CELA2A: variants seen among roughly 807,000 people sequenced by gnomAD.
The protein encoded by CELA2A is chymotrypsin-like elastase family member 2A.
Under a neutral mutation model 35.3 loss-of-function variants are expected in CELA2A, and 31 were observed. That is an observed-to-expected ratio of 0.88 (90% CI 0.66 to 1.19). The LOEUF (loss-of-function observed/expected upper bound fraction) is 1.19, where lower values mean the gene tolerates loss of function less well. Among genes scored for constraint, CELA2A ranks in the 50% most tolerant of loss-of-function variants. CELA2A has a pLI of 0.00. For missense variants in CELA2A, 330 were observed against 352.9 expected (o/e 0.94, Z 0.52); for synonymous variants, 150 against 149.8 (o/e 1.00, Z -0.01).
At chr1:15,464,338 A>C (rs1240281742) in intron 5 of CELA2A, among the ~76,000 whole-genome samples, 1 of 152,066 alleles carries the variant, frequency 6.6e-6, no homozygotes, top group Non-Finnish European at 1.5e-5. Context: ...TGCTGCTCAG[A>C]ACCTGAATGA....
chr1:15,467,671 T>G, intron 7 of CELA2A, 133 bp downstream of exon 7: 1 of 1,146,080 alleles, frequency 8.7e-7, no homozygotes, highest in Non-Finnish European at 1.2e-6. Flanking sequence ...TGGAGGAGGC[T>G]GCAGACCTGA....
chr1:15,465,276 G>A lies in CELA2A; in HGVS notation c.494-723G>A, dbSNP rs1311325734. Among the ~76,000 whole-genome samples, 5 of 152,122 alleles carry A rather than the reference G, an allele frequency of 3.3e-5. No individual in the cohort carries two copies. In the East Asian group the frequency reaches 9.6e-4, roughly 29 times the overall value. On this transcript the variant is annotated intron_variant, in intron 5 of 7. Transcript: ENST00000359621. Reference sequence around the variant, plus strand: ...TCTGCCCACCTTGGCCTCCCTAAGCGCTGGGATTAGAGGGTGAGCACCGCG... The same window carrying A: ...TCTGCCCACCTTGGCCTCCCTAAGCACTGGGATTAGAGGGTGAGCACCGCG...
chr1:15,460,972 A>T (rs1418316965), intron 2 of CELA2A, among the ~76,000 whole-genome samples: 1 of 152,158 alleles, frequency 6.6e-6, no homozygotes, highest in South Asian at 2.1e-4. Flanking sequence ...GTGGCTGGGG[A>T]GGCCTCAGGA....
chr1:15,469,523 G>A (rs779388333), intron 7 of CELA2A, among the ~76,000 whole-genome samples: 2 of 152,162 alleles, frequency 1.3e-5, no homozygotes, highest in Admixed American at 6.5e-5. Flanking sequence ...CGTGGTCACA[G>A]GAGGAAAACT....
At chr1:15,456,988 C>T in intron 1 of CELA2A, 98 bp from the exon 2 acceptor site, 1 of 1,344,374 alleles carries the variant, frequency 7.4e-7, no homozygotes, top group Non-Finnish European at 1.1e-6. Flanking sequence ...CCTTCTAGAA[C>T]AAGGGTTTTC....
At chr1:15,457,367 T>G in intron 2 of CELA2A, 193 bp downstream of exon 2, 5 of 574,546 alleles carry the variant, frequency 8.7e-6, no homozygotes, top group Non-Finnish European at 1.6e-5. Context: ...ATCCCAGCAC[T>G]GTGGGAGGCT....
At position 15,471,972 on chromosome 1, in the gene CELA2A, A is replaced by T. The variant is rs2103307733; in HGVS notation, c.793-18A>T. The T allele has an allele frequency of 1.9e-6, 3 of 1,614,126 alleles. No individual in the cohort carries two copies. Among genetic ancestry groups the T allele is most frequent in the Non-Finnish European group, 1.7e-6 (2 of 1,180,000 alleles). ...CTGCGGTTAGGTGAACCTGACGATT[A>T]TCTTGTGTGTCCTGCAGGTGATTGC... is the stretch of plus-strand genomic sequence containing the variant. On this transcript the variant is annotated intron_variant, in intron 7 of 7. Coordinates refer to ENST00000359621, the MANE Select transcript of CELA2A (RefSeq NM_033440.3).
chr1:15,466,145 G>C lies in CELA2A; in HGVS notation c.639+1G>C, dbSNP rs752331004. On this transcript the variant is annotated splice_donor_variant, in intron 6 of 7. Coordinates refer to ENST00000359621, the MANE Select transcript of CELA2A (RefSeq NM_033440.3). LOFTEE classifies it high-confidence loss of function. ...TGATGGCGTGATCTCCAGCTGCAAC[G>C]TGAGTACCAAAATCAGGGGCTCCGC... The C allele has an allele frequency of 1.2e-6, 2 of 1,613,536 alleles. No homozygotes were observed. Among genetic ancestry groups the C allele is most frequent in the Non-Finnish European group, 1.7e-6 (2 of 1,179,594 alleles).
At chr1:15,460,254 G>A (rs891293640) in intron 2 of CELA2A, among the ~76,000 whole-genome samples, 1 of 151,876 alleles carries the variant, frequency 6.6e-6, no homozygotes, top group African/African-American at 2.4e-5. Context: ...CACATAATAC[G>A]TATTATGTGG....
intron 4 of CELA2A, 91 bp downstream of exon 4, chr1:15,462,952 C>A (rs186428650): frequency 1.3e-6 from 2 of 1,540,588 alleles, no homozygotes; most frequent in Admixed American, 1.7e-5. Flanking sequence ...ACACCACACC[C>A]CCTCTGCTTC....
intron 2 of CELA2A, among the ~76,000 whole-genome samples, chr1:15,459,597 C>T (rs16851665): frequency 0.085 from 12,892 of 152,216 alleles, 682 homozygotes; most frequent in African/African-American, 0.14. Flanking sequence ...TAACACCGGG[C>T]GCATTTGTGC....
chr1:15,466,265 T>A, intron 6 of CELA2A, 121 bp downstream of exon 6: 1 of 1,244,506 alleles, frequency 8.0e-7, no homozygotes, highest in Non-Finnish European at 1.1e-6. Context: ...CCGAAACATG[T>A]TCCAGATATA....
At chr1:15,468,157 G>T (rs1435246250) in intron 7 of CELA2A, among the ~76,000 whole-genome samples, 2 of 149,296 alleles carry the variant, frequency 1.3e-5, no homozygotes, top group Non-Finnish European at 3.0e-5. Flanking sequence ...TTGTTTATCT[G>T]TGTGTAGGCC....
chr1:15,464,524 T>G (rs1708488498), intron 5 of CELA2A, among the ~76,000 whole-genome samples: 1 of 152,192 alleles, frequency 6.6e-6, no homozygotes. Flanking sequence ...GTTAATCACA[T>G]TATGACATTT....
chr1:15,461,518 G>A (rs745792676), intron 2 of CELA2A, 43 bp from the exon 3 acceptor site: 3 of 1,608,476 alleles, frequency 1.9e-6, no homozygotes, highest in Non-Finnish European at 1.7e-6. Flanking sequence ...GGGAGGCCCT[G>A]CTCTTTCAAA....
chr1:15,466,437 C>T (rs1708519182), intron 6 of CELA2A, among the ~76,000 whole-genome samples: 2 of 151,878 alleles, frequency 1.3e-5, no homozygotes, highest in South Asian at 2.1e-4. Context: ...TGGCAGGCGC[C>T]TGTACTCACA....
At chr1:15,463,031 G>A (rs1708460807) in intron 4 of CELA2A, 170 bp downstream of exon 4, 2 of 1,109,682 alleles carry the variant, frequency 1.8e-6, no homozygotes, top group South Asian at 1.5e-5. Flanking sequence ...GTCTGGGGTG[G>A]GGATGTGACC....
At chr1:15,466,477 A>T (rs1279498470) in intron 6 of CELA2A, among the ~76,000 whole-genome samples, 1 of 151,842 alleles carries the variant, frequency 6.6e-6, no homozygotes, top group Non-Finnish European at 1.5e-5. Flanking sequence ...CAGGAGAATC[A>T]CTTGAACCCA....
At chr1:15,470,946 C>G (rs769824902) in intron 7 of CELA2A, among the ~76,000 whole-genome samples, 1 of 152,122 alleles carries the variant, frequency 6.6e-6, no homozygotes, top group East Asian at 1.9e-4. Context: ...TATATATTTA[C>G]GTAGATAGAC....
Sources: gnomAD v4.1 joint callset for allele counts (sites outside exome capture counted in the v4.1 genomes callset) on GRCh38, gnomAD v4.1.1 for gene constraint, MANE v1.5 for transcripts, NCBI Gene and HGNC (gene_info 2026-07-23, HGNC 2026-07-21) for gene names.